The following FBXO15 variants were observed in gnomAD, a reference collection of about 807,000 sequenced individuals.
The protein encoded by FBXO15 is F-box only protein 15.
FBXO15 carries 30 observed loss-of-function variants against 49.5 expected under a neutral mutation model. The observed-to-expected ratio is 0.61, with a 90% CI of 0.45 to 0.82. The LOEUF is 0.82. Among genes scored for constraint, FBXO15 ranks in the 40% least tolerant of loss-of-function variants. The pLI, the probability that FBXO15 is intolerant of heterozygous loss-of-function variation, is 0.00. For synonymous variants in FBXO15, 250 were observed against 232.7 expected, an observed-to-expected ratio of 1.07 and a Z score of -0.68; for missense variants, 591 against 631.5, an observed-to-expected ratio of 0.94 and a Z score of 0.69.
intron 8 of FBXO15, among the ~76,000 whole-genome samples, chr18:74,104,298 A>G (rs1485157485): frequency 6.6e-6 from 1 of 152,158 alleles, no homozygotes; most frequent in Non-Finnish European, 1.5e-5. Context: ...AGATTAACTA[A>G]AAATAAAAAG....
In FBXO15 at chr18:74,140,230, A is replaced by G; in HGVS notation, c.199T>C (p.Phe67Leu). ...AGGGQHWESS[F>L]SCCSGFLDGM... ...TCCAGGAACCCAGAACAGCAGGAGA[A>G]AGAGCTCTCCCAGTGCTGTCCACCT... The change falls in exon 2 of 10, where the codon TTC (phenylalanine) becomes CTC (leucine). Residue 67 changes from phenylalanine to leucine, a missense_variant. Phe to Leu is a conservative substitution (Grantham distance 22). Coordinates refer to ENST00000419743, the MANE Select transcript of FBXO15 (RefSeq NM_001142958.2). 1 of 1,551,422 alleles carries G rather than the reference A, an allele frequency of 6.4e-7. No homozygotes were observed. Among genetic ancestry groups the G allele is most frequent in the Non-Finnish European group, 8.7e-7 (1 of 1,146,930 alleles).
At chr18:74,089,048 T>C (rs147358702) in intron 8 of FBXO15, among the ~76,000 whole-genome samples, 52 of 152,326 alleles carry the variant, frequency 3.4e-4, no homozygotes, top group African/African-American at 1.2e-3. Context: ...ATGTGTGTCA[T>C]GGTGGTTTGC....
In FBXO15 at chr18:74,073,445, A is replaced by T. The variant is rs1279548316; in HGVS notation, c.*16T>A. On this transcript the variant is annotated 3_prime_UTR_variant, in exon 10 of 10. Coordinates refer to ENST00000419743, the MANE Select transcript of FBXO15 (RefSeq NM_001142958.2). ...AAATAAACAACTAAATAACAACAAT[A>T]ATTTGCCACCTACTGCTAATATTCA... 1.9e-6 allele frequency: 3 copies of T among 1,602,094 alleles called. No individual in the cohort carries two copies. In the South Asian group the frequency reaches 3.4e-5, roughly 18 times the overall value.
intron 5 of FBXO15, among the ~76,000 whole-genome samples, chr18:74,128,628 T>C (rs1599178060): frequency 6.6e-6 from 1 of 152,364 alleles, no homozygotes; most frequent in Admixed American, 6.5e-5. Context: ...TAAAGCTATG[T>C]TAGCTTGCTC....
intron 1 of FBXO15, 101 bp from the exon 2 acceptor site, chr18:74,140,413 T>C: frequency 9.8e-7 from 1 of 1,017,438 alleles, no homozygotes; most frequent in Non-Finnish European, 1.3e-6. Context: ...ACTCCAAAGA[T>C]TACTCACTGA....
intron 3 of FBXO15, 28 bp from the exon 4 acceptor site, chr18:74,130,686 C>T: frequency 6.3e-7 from 1 of 1,594,888 alleles, no homozygotes; most frequent in Non-Finnish European, 8.5e-7. Flanking sequence ...AATATGTTAA[C>T]TAAGAGACAC....
intron 8 of FBXO15, among the ~76,000 whole-genome samples, chr18:74,108,666 C>G (rs1323662980): frequency 6.6e-6 from 1 of 152,028 alleles, no homozygotes; most frequent in Non-Finnish European, 1.5e-5. Context: ...AAGATGTCCC[C>G]AAGTTAAAAG....
At chr18:74,128,721 G>T (rs1428662109) in intron 5 of FBXO15, among the ~76,000 whole-genome samples, 1 of 152,250 alleles carries the variant, frequency 6.6e-6, no homozygotes, top group African/African-American at 2.4e-5. Context: ...CGAGAGAGCT[G>T]CTCAGAAAGG....
rs528265591 is a variant in FBXO15 at position 74,127,497 on chromosome 18, A to T, written c.786-1396T>A. ...ATGAGGCTTTCACTGTTGTTGAAAA[A>T]CTTCTCATAGAGGAAACAAAAAAGA... On this transcript the variant is annotated intron_variant, in intron 5 of 9. Transcript: ENST00000419743. Among the ~76,000 whole-genome samples, 10 of 152,294 alleles carry T rather than the reference A, an allele frequency of 6.6e-5. No individual in the cohort carries two copies. The Middle Eastern group carries it at 0.01, about 155-fold the overall frequency.
intron 1 of FBXO15, 114 bp downstream of exon 1, chr18:74,147,556 G>A: frequency 3.1e-6 from 4 of 1,285,666 alleles, no homozygotes; most frequent in Non-Finnish European, 3.9e-6. Context: ...TCACGTTGAA[G>A]ACGGCCACGG....
intron 8 of FBXO15, among the ~76,000 whole-genome samples, chr18:74,111,754 G>GT (rs919397114): frequency 3.0e-4 from 45 of 152,044 alleles, no homozygotes; most frequent in African/African-American, 9.9e-4. Flanking sequence ...CCAAAAGCTG[G>GT]TTTTTTTGGA....
At chr18:74,127,431 A>G (rs1476113097) in intron 5 of FBXO15, among the ~76,000 whole-genome samples, 2 of 152,248 alleles carry the variant, frequency 1.3e-5, no homozygotes, top group Non-Finnish European at 2.9e-5. Flanking sequence ...TTGGAGTCTG[A>G]CTAGAAAGGT....
At chr18:74,085,876 G>A (rs1912714552) in intron 8 of FBXO15, among the ~76,000 whole-genome samples, 1 of 151,914 alleles carries the variant, frequency 6.6e-6, no homozygotes, top group South Asian at 2.1e-4. Context: ...TTATAACCTG[G>A]GATAGAAAAA....
intron 7 of FBXO15, among the ~76,000 whole-genome samples, chr18:74,123,784 A>T (rs1184975744): frequency 1.3e-5 from 2 of 152,146 alleles, no homozygotes; most frequent in Non-Finnish European, 2.9e-5. Context: ...TGATCCCAGC[A>T]TGGCCACTCT....
chr18:74,083,288 C>T (rs982497629), intron 8 of FBXO15, among the ~76,000 whole-genome samples: 20 of 152,226 alleles, frequency 1.3e-4, no homozygotes, highest in Admixed American at 1.0e-3. Flanking sequence ...CCAAATGACA[C>T]GGACCCTTCC....
chr18:74,112,810 T>C (rs1481319541), intron 8 of FBXO15, among the ~76,000 whole-genome samples: 1 of 152,218 alleles, frequency 6.6e-6, no homozygotes, highest in Non-Finnish European at 1.5e-5. Flanking sequence ...CAACACCAAA[T>C]GCTGGTAAGA....
At chr18:74,117,571 G>A (rs1013678055) in intron 8 of FBXO15, among the ~76,000 whole-genome samples, 1 of 152,062 alleles carries the variant, frequency 6.6e-6, no homozygotes, top group African/African-American at 2.4e-5. Context: ...CTCTGGAGTC[G>A]CGCGGACCTG....
At chr18:74,092,181 A>G (rs1311408583) in intron 8 of FBXO15, among the ~76,000 whole-genome samples, 1 of 151,930 alleles carries the variant, frequency 6.6e-6, no homozygotes, top group Non-Finnish European at 1.5e-5. Flanking sequence ...AATACTTGTG[A>G]TTGCATTCTG....
chr18:74,084,538 A>G (rs1452853396), intron 8 of FBXO15, among the ~76,000 whole-genome samples: 2 of 152,222 alleles, frequency 1.3e-5, no homozygotes, highest in Admixed American at 6.5e-5. Flanking sequence ...ATCTATAAAC[A>G]CAGAGTGTGG....
Sources: gnomAD v4.1 joint callset for allele counts (sites outside exome capture counted in the v4.1 genomes callset) on GRCh38, gnomAD v4.1.1 for gene constraint, MANE v1.5 for transcripts, NCBI Gene and HGNC (gene_info 2026-07-23, HGNC 2026-07-21) for gene names.